The following PRIM2 variants were observed in gnomAD, a reference collection of about 807,000 sequenced individuals.
The protein encoded by PRIM2 is DNA primase large subunit.
PRIM2 carries 39 observed loss-of-function variants against 67.3 expected under a neutral mutation model. The ratio of observed to expected loss-of-function variants is 0.58; its 90% CI spans 0.45 to 0.76. The LOEUF (loss-of-function observed/expected upper bound fraction) is 0.76, where lower values mean the gene tolerates loss of function less well. PRIM2 is among the 30% of genes least tolerant of loss of function. PRIM2 has a pLI of 0.00. For synonymous variants in PRIM2, 143 were observed against 198.7 expected (o/e 0.72, Z 2.36); for missense variants, 398 against 598.7 (o/e 0.66, Z 3.50).
At chr6:57,374,406 G>A (rs1370473483) in intron 5 of PRIM2, among the ~76,000 whole-genome samples, 62 of 149,488 alleles carry the variant, frequency 4.1e-4, no homozygotes, top group African/African-American at 1.4e-3. Context: ...CCATTCTCCT[G>A]CCTCAGCCTC....
intron 7 of PRIM2, among the ~76,000 whole-genome samples, chr6:57,453,990 G>T (rs1420880506): frequency 1.3e-5 from 2 of 152,114 alleles, no homozygotes; most frequent in African/African-American, 4.8e-5. Context: ...AGAGTTTTTA[G>T]CATGAAGGGT....
chr6:57,271,249 A>G, the PRIM2 span, among the ~76,000 whole-genome samples: 46 of 152,272 alleles, frequency 3.0e-4, no homozygotes, highest in Admixed American at 8.5e-4. Context: ...CTGTGAATCC[A>G]TCTGGTCCTG....
At chr6:57,611,706 C>G (rs1776669871) in intron 12 of PRIM2, among the ~76,000 whole-genome samples, 1 of 152,110 alleles carries the variant, frequency 6.6e-6, no homozygotes, top group African/African-American at 2.4e-5. Flanking sequence ...AGCATATCTG[C>G]AGGACCTTGG....
intron 10 of PRIM2, among the ~76,000 whole-genome samples, chr6:57,599,072 G>A (rs1776417655): frequency 1.7e-5 from 1 of 59,876 alleles, no homozygotes; most frequent in African/African-American, 1.2e-4. Flanking sequence ...TCAGCCTCCC[G>A]AGTAGCTGGG....
chr6:57,491,880 A>C (rs1390989261), intron 7 of PRIM2, among the ~76,000 whole-genome samples: 2 of 152,008 alleles, frequency 1.3e-5, no homozygotes, highest in Non-Finnish European at 2.9e-5. Context: ...TGGGTTCCTT[A>C]TTTGTATAAG....
At chr6:57,566,312 T>C (rs1775739133) in intron 10 of PRIM2, among the ~76,000 whole-genome samples, 1 of 152,150 alleles carries the variant, frequency 6.6e-6, no homozygotes, top group East Asian at 1.9e-4. Flanking sequence ...TGGGTAGCAG[T>C]AGTTTGAACC....
intron 7 of PRIM2, among the ~76,000 whole-genome samples, chr6:57,405,392 G>A (rs1180769474): frequency 1.4e-5 from 2 of 147,168 alleles, no homozygotes; most frequent in African/African-American, 2.5e-5. Context: ...ATGCCTTTGA[G>A]TTTCAGTTTT....
the PRIM2 span, among the ~76,000 whole-genome samples, chr6:57,276,567 G>A: frequency 0.012 from 1,837 of 152,026 alleles, 20 homozygotes; most frequent in South Asian, 0.056. Context: ...GACATATATA[G>A]GAGCTTCAAT....
intron 12 of PRIM2, among the ~76,000 whole-genome samples, chr6:57,606,938 T>C (rs1776573791): frequency 6.6e-6 from 1 of 152,242 alleles, no homozygotes; most frequent in Non-Finnish European, 1.5e-5. Context: ...TCAAATAGTT[T>C]GTCAAAATAC....
chr6:57,515,520 C>T (rs1554348139), intron 8 of PRIM2, among the ~76,000 whole-genome samples: 446 of 152,166 alleles, frequency 2.9e-3, no homozygotes, highest in Non-Finnish European at 4.5e-3. Flanking sequence ...AACAAGTGAA[C>T]GAGTGACTTG....
chr6:57,457,284 G>A (rs574945538), intron 7 of PRIM2, among the ~76,000 whole-genome samples: 5,070 of 152,276 alleles, frequency 0.033, 285 homozygotes, highest in African/African-American at 0.11. Context: ...CTCCAGCTGC[G>A]TGCTGGGAGA....
the PRIM2 span, among the ~76,000 whole-genome samples, chr6:57,286,967 C>G: frequency 1.3e-5 from 2 of 152,174 alleles, no homozygotes; most frequent in African/African-American, 4.8e-5. Flanking sequence ...AGACACTTCT[C>G]AAAAGAAGAC....
chr6:57,332,185 A>C (rs750153720), intron 5 of PRIM2, among the ~76,000 whole-genome samples: 8 of 151,956 alleles, frequency 5.3e-5, no homozygotes, highest in Non-Finnish European at 8.8e-5. Flanking sequence ...AATTTCCTGA[A>C]CTTCTGTTAC....
At chr6:57,423,204 A>G (rs1482454451) in intron 7 of PRIM2, among the ~76,000 whole-genome samples, 3 of 152,066 alleles carry the variant, frequency 2.0e-5, no homozygotes, top group East Asian at 1.9e-4. Flanking sequence ...CTAATAATTT[A>G]TGGTAGTTTT....
the PRIM2 span, among the ~76,000 whole-genome samples, chr6:57,307,081 C>G: frequency 1.3e-5 from 2 of 151,574 alleles, no homozygotes; most frequent in Admixed American, 1.3e-4. Context: ...TGCCTGTAGT[C>G]CCAGCTACTC....
intron 8 of PRIM2, among the ~76,000 whole-genome samples, chr6:57,510,618 T>C (rs1282095756): frequency 1.3e-5 from 2 of 151,986 alleles, no homozygotes; most frequent in Non-Finnish European, 2.9e-5. Context: ...CTACATGTAA[T>C]GTGCACCCAC....
At chr6:57,463,545 G>A (rs76912155) in intron 7 of PRIM2, among the ~76,000 whole-genome samples, 2 of 152,252 alleles carry the variant, frequency 1.3e-5, no homozygotes, top group Admixed American at 1.3e-4. Flanking sequence ...AATATCTCTG[G>A]TTGTTTCTAT....
At chr6:57,517,728 T>C (rs1426081544) in intron 8 of PRIM2, among the ~76,000 whole-genome samples, 101 of 152,234 alleles carry the variant, frequency 6.6e-4, no homozygotes, top group African/African-American at 2.4e-3. Context: ...TTATAAGCAA[T>C]TGTGGTCACT....
intron 13 of PRIM2, among the ~76,000 whole-genome samples, chr6:57,645,308 C>T (rs1777314742): frequency 7.0e-6 from 1 of 142,424 alleles, no homozygotes; most frequent in African/African-American, 2.7e-5. Flanking sequence ...GCCTCACTAA[C>T]ATACAATGTC....
Sources: gnomAD v4.1 joint callset for allele counts (sites outside exome capture counted in the v4.1 genomes callset) on GRCh38, gnomAD v4.1.1 for gene constraint, MANE v1.5 for transcripts, NCBI Gene and HGNC (gene_info 2026-07-23, HGNC 2026-07-21) for gene names.